The following SFRP1 variants were observed in gnomAD, a reference collection of about 807,000 sequenced individuals.
SFRP1 encodes the protein secreted frizzled related protein 1, also known as secreted frizzled-related protein 1.
SFRP1 carries 9 observed loss-of-function variants against 25.9 expected under a neutral mutation model. The observed-to-expected ratio is 0.35, with a 90% CI of 0.21 to 0.61. The LOEUF (loss-of-function observed/expected upper bound fraction) is 0.61, where lower values mean the gene tolerates loss of function less well. Among genes scored for constraint, SFRP1 ranks in the 20% least tolerant of loss-of-function variants. SFRP1 has a pLI of 0.78. For synonymous variants in SFRP1, 178 were observed against 174.0 expected (o/e 1.02, Z -0.18); for missense variants, 346 against 418.2 (o/e 0.83, Z 1.51).
chr8:41,299,219 T>C (rs1208254492), intron 2 of SFRP1, among the ~76,000 whole-genome samples: 1 of 150,620 alleles, frequency 6.6e-6, no homozygotes, highest in Non-Finnish European at 1.5e-5. Flanking sequence ...GCACATAAAA[T>C]ATCCTAACAA....
intron 2 of SFRP1, among the ~76,000 whole-genome samples, chr8:41,268,605 G>A (rs1803464297): frequency 6.6e-6 from 1 of 152,118 alleles, no homozygotes; most frequent in Non-Finnish European, 1.5e-5. Context: ...TTTTTGAGGT[G>A]GGGAGAGCAG....
intron 2 of SFRP1, among the ~76,000 whole-genome samples, chr8:41,287,463 C>A (rs2117501203): frequency 6.6e-6 from 1 of 152,366 alleles, no homozygotes; most frequent in South Asian, 2.1e-4. Context: ...TCATGTGCCA[C>A]TGCAGGCTGG....
At chr8:41,285,260 T>C (rs1265432068) in intron 2 of SFRP1, among the ~76,000 whole-genome samples, 2 of 151,878 alleles carry the variant, frequency 1.3e-5, no homozygotes. Flanking sequence ...GCCGTCAGCA[T>C]CTGAGCTGGC....
At chr8:41,285,207 GA>G (rs1403926247) in intron 2 of SFRP1, among the ~76,000 whole-genome samples, 2 of 152,164 alleles carry the variant, frequency 1.3e-5, no homozygotes, top group Non-Finnish European at 2.9e-5. Flanking sequence ...TTACCGATCA[GA>G]AAACTGGGGC....
chr8:41,302,097 A>G (rs1349538762), intron 2 of SFRP1, among the ~76,000 whole-genome samples: 3 of 152,236 alleles, frequency 2.0e-5, no homozygotes, highest in South Asian at 2.1e-4. Context: ...TCCACCCTCA[A>G]TCTGTATCTA....
chr8:41,266,788 T>C (rs894307603), intron 2 of SFRP1, among the ~76,000 whole-genome samples: 9 of 152,168 alleles, frequency 5.9e-5, no homozygotes, highest in East Asian at 1.9e-4. Context: ...TATTTTAACA[T>C]TGAAAGACCT....
At chr8:41,295,973 T>C (rs934354843) in intron 2 of SFRP1, among the ~76,000 whole-genome samples, 1 of 152,248 alleles carries the variant, frequency 6.6e-6, no homozygotes, top group Non-Finnish European at 1.5e-5. Flanking sequence ...GCAACCATCC[T>C]GAGCCTGCCC....
chr8:41,273,858 A>T (rs1198133831), intron 2 of SFRP1, among the ~76,000 whole-genome samples: 1 of 152,124 alleles, frequency 6.6e-6, no homozygotes, highest in Non-Finnish European at 1.5e-5. Flanking sequence ...GGAGAGGAAG[A>T]GTCAGACCTC....
At chr8:41,271,625 C>A (rs770283379) in intron 2 of SFRP1, 2 of 152,384 alleles carry the variant, frequency 1.3e-5, no homozygotes, top group Non-Finnish European at 2.9e-5. Flanking sequence ...AGAAACCATG[C>A]TAGCTCTCTG....
At chr8:41,269,417 T>C (rs1803475218) in intron 2 of SFRP1, among the ~76,000 whole-genome samples, 2 of 152,198 alleles carry the variant, frequency 1.3e-5, no homozygotes, top group Non-Finnish European at 2.9e-5. Context: ...TGGGTCTTTC[T>C]CGGGAAATCT....
At chr8:41,308,085 G>A (rs952030613) in intron 1 of SFRP1, among the ~76,000 whole-genome samples, 2 of 152,218 alleles carry the variant, frequency 1.3e-5, no homozygotes, top group African/African-American at 4.8e-5. Context: ...ACCAGTGAAG[G>A]AAAGGGCTTG....
At chr8:41,308,420 GAGGGGCGCTGAGCGATACCTGGGAC>G (rs1250888695) in intron 1 of SFRP1, among the ~76,000 whole-genome samples, 171 bp downstream of exon 1, 2 of 152,260 alleles carry the variant, frequency 1.3e-5, no homozygotes, top group African/African-American at 2.4e-5. Flanking sequence ...CCTGGGTCGC[GAGGGGCGCTGAGCGATACCTGGGAC>G]AGACCAGACG....
intron 1 of SFRP1, among the ~76,000 whole-genome samples, chr8:41,307,566 C>G (rs904041704): frequency 1.3e-5 from 2 of 152,208 alleles, no homozygotes; most frequent in Non-Finnish European, 2.9e-5. Context: ...CTGTGCTAAG[C>G]GCAGCTGGGG....
chr8:41,290,720 T>G (rs1189968462), intron 2 of SFRP1, among the ~76,000 whole-genome samples: 1 of 151,994 alleles, frequency 6.6e-6, no homozygotes, highest in African/African-American at 2.4e-5. Context: ...GGCACCACCC[T>G]GAGCCCTCTC....
At chr8:41,286,487 G>A (rs1460797287) in intron 2 of SFRP1, among the ~76,000 whole-genome samples, 1 of 150,828 alleles carries the variant, frequency 6.6e-6, no homozygotes, top group Non-Finnish European at 1.5e-5. Flanking sequence ...GCTCCTCCTT[G>A]GATAAAGGAA....
intron 2 of SFRP1, among the ~76,000 whole-genome samples, chr8:41,290,951 G>T (rs1234871719): frequency 9.3e-6 from 1 of 107,114 alleles, no homozygotes; most frequent in Non-Finnish European, 1.8e-5. Context: ...CTGTCACCCA[G>T]GCTAGAATGC....
chr8:41,281,692 C>T (rs1369614770), intron 2 of SFRP1, among the ~76,000 whole-genome samples: 4 of 152,198 alleles, frequency 2.6e-5, no homozygotes, highest in South Asian at 4.1e-4. Flanking sequence ...ACTGCACACA[C>T]CCTGGCTAAG....
chr8:41,277,967 T>A (rs1254152769), intron 2 of SFRP1, among the ~76,000 whole-genome samples: 1 of 152,180 alleles, frequency 6.6e-6, no homozygotes. Flanking sequence ...GGCCTGGGGA[T>A]CACACTTGAG....
intron 1 of SFRP1, among the ~76,000 whole-genome samples, chr8:41,306,093 A>G (rs115567243): frequency 0.051 from 7,707 of 152,306 alleles, 568 homozygotes; most frequent in African/African-American, 0.17. Context: ...GCCAAATTCA[A>G]AAATGACTTC....
Sources: allele counts gnomAD v4.1 joint callset (sites outside exome capture counted in the v4.1 genomes callset), GRCh38; gene constraint gnomAD v4.1.1; transcripts MANE v1.5; gene names NCBI Gene and HGNC (gene_info 2026-07-23, HGNC 2026-07-21).